PRELID2: variants seen among roughly 807,000 people sequenced by gnomAD.
PRELID2 encodes the protein PRELI domain containing 2.
A neutral mutation model predicts 28.4 loss-of-function variants in PRELID2; 25 were observed. The ratio of observed to expected loss-of-function variants is 0.88; its 90% CI spans 0.64 to 1.23. The LOEUF (loss-of-function observed/expected upper bound fraction) is 1.23. PRELID2 is among the 50% of genes most tolerant of loss of function. The pLI is 0.00. For synonymous variants in PRELID2, 76 were observed against 71.6 expected, an observed-to-expected ratio of 1.06 and a Z score of -0.31; for missense variants, 201 against 214.4, an observed-to-expected ratio of 0.94 and a Z score of 0.39.
the PRELID2 span, among the ~76,000 whole-genome samples, chr5:145,390,926 A>G: frequency 1.8e-4 from 28 of 152,316 alleles, no homozygotes; most frequent in African/African-American, 6.7e-4. Flanking sequence ...CCAAAATCCA[A>G]TAGGGCAGCC....
At chr5:145,642,008 A>G (rs933091832) in intron 1 of PRELID2, among the ~76,000 whole-genome samples, 5 of 152,212 alleles carry the variant, frequency 3.3e-5, no homozygotes, top group African/African-American at 1.2e-4. Context: ...AGAATGATTT[A>G]AAATCCTTTG....
the PRELID2 span, among the ~76,000 whole-genome samples, chr5:145,384,031 T>C: frequency 6.6e-6 from 1 of 152,120 alleles, no homozygotes; most frequent in East Asian, 1.9e-4. Context: ...AAAGAAGGTA[T>C]ACTAACGGCC....
chr5:145,755,636 G>A (rs1042537153), downstream of PRELID2, among the ~76,000 whole-genome samples: 1 of 152,186 alleles, frequency 6.6e-6, no homozygotes, highest in African/African-American at 2.4e-5. Context: ...GAATTTGATA[G>A]AGCTTATTCT....
At chr5:145,577,993 G>A (rs1753075948) in intron 1 of PRELID2, among the ~76,000 whole-genome samples, 1 of 152,128 alleles carries the variant, frequency 6.6e-6, no homozygotes, top group East Asian at 1.9e-4. Context: ...TCTTCTCAGT[G>A]TAGGGATCCT....
the PRELID2 span, among the ~76,000 whole-genome samples, chr5:145,313,810 A>T: frequency 6.6e-6 from 1 of 152,204 alleles, no homozygotes; most frequent in Non-Finnish European, 1.5e-5. Flanking sequence ...AGAAAAGTCA[A>T]ATAATTTGTC....
chr5:145,631,729 A>G (rs989499388), intron 1 of PRELID2, among the ~76,000 whole-genome samples: 9 of 152,218 alleles, frequency 5.9e-5, no homozygotes, highest in African/African-American at 2.2e-4. Flanking sequence ...GTAACTCTAT[A>G]TTGTCACCAA....
the PRELID2 span, among the ~76,000 whole-genome samples, chr5:145,413,611 T>TACACACACACACAC: frequency 1.1e-4 from 15 of 140,060 alleles, 1 homozygote; most frequent in African/African-American, 3.7e-4. Context: ...ATGAAGAAAA[T>TACACACACACACAC]ACACACACAC....
At chr5:145,742,193 T>TA (rs1209076156) in intron 1 of PRELID2, among the ~76,000 whole-genome samples, 2 of 40,008 alleles carry the variant, frequency 5.0e-5, no homozygotes, top group African/African-American at 6.7e-5. Context: ...TATATATAAA[T>TA]AATAATATAT....
chr5:145,494,955 G>T (rs1275891554), intron 1 of PRELID2, among the ~76,000 whole-genome samples: 3 of 152,148 alleles, frequency 2.0e-5, no homozygotes, highest in Admixed American at 2.0e-4. Flanking sequence ...TGTTAAGTGT[G>T]CCAATGACAA....
chr5:145,729,899 CTATT>C (rs1756288640), intron 1 of PRELID2, among the ~76,000 whole-genome samples: 2 of 152,152 alleles, frequency 1.3e-5, no homozygotes, highest in African/African-American at 2.4e-5. Flanking sequence ...CAAGCCCAGA[CTATT>C]TATTGGTGAT....
chr5:145,315,985 T>C, the PRELID2 span, among the ~76,000 whole-genome samples: 1 of 152,228 alleles, frequency 6.6e-6, no homozygotes, highest in Non-Finnish European at 1.5e-5. Context: ...TCTATACTCT[T>C]GAGGTTATTT....
chr5:145,830,899 C>A (rs958869947), intron 1 of PRELID2, among the ~76,000 whole-genome samples: 14 of 152,228 alleles, frequency 9.2e-5, no homozygotes, highest in Non-Finnish European at 1.9e-4. Flanking sequence ...AAGGCAACTC[C>A]TAACAAACCA....
At chr5:145,293,401 T>G in the PRELID2 span, among the ~76,000 whole-genome samples, 1 of 152,192 alleles carries the variant, frequency 6.6e-6, no homozygotes, top group Admixed American at 6.5e-5. Flanking sequence ...TTGGCATAAA[T>G]GTATGTTTTA....
At chr5:145,740,941 C>T (rs377333162) in intron 1 of PRELID2, among the ~76,000 whole-genome samples, 62,140 of 78,950 alleles carry the variant, frequency 0.79, 24,658 homozygotes, top group East Asian at 0.96. Context: ...TATATATGTA[C>T]ATATATTTAT....
At chr5:145,447,946 C>G in the PRELID2 span, among the ~76,000 whole-genome samples, 5 of 151,948 alleles carry the variant, frequency 3.3e-5, no homozygotes, top group Admixed American at 3.3e-4. Context: ...GTGCATGTGT[C>G]TTTATAGCAG....
In PRELID2 at chr5:145,531,641, A is replaced by G. The variant is rs1291285231; in HGVS notation, n.71-58326T>C. On this transcript the variant is annotated intron_variant and non_coding_transcript_variant, in intron 1 of 2. Transcript: ENST00000510259. ...AATGTGCAGCCTCTGCAGACTGTGC[A>G]TCGGCAAGGCCATTTCCCCAGGCTC... is the stretch of plus-strand genomic sequence containing the variant. 1.4e-4 allele frequency among the ~76,000 whole-genome samples: 21 copies of G among 152,306 alleles called. 1 individual carries two copies. The Middle Eastern group carries it at 0.01, about 74-fold the overall frequency.
intron 5 of PRELID2, among the ~76,000 whole-genome samples, chr5:145,778,652 T>C (rs1581184350): frequency 6.6e-6 from 1 of 152,324 alleles, no homozygotes; most frequent in East Asian, 1.9e-4. Context: ...GAGCTGCCTG[T>C]CCCACGGCAG....
chr5:145,731,426 G>T (rs755636470), intron 1 of PRELID2, among the ~76,000 whole-genome samples: 3 of 152,230 alleles, frequency 2.0e-5, no homozygotes, highest in Non-Finnish European at 2.9e-5. Context: ...AAAGTGGTCT[G>T]AACACTGTGG....
At chr5:145,508,045 T>C (rs887783819) in intron 1 of PRELID2, among the ~76,000 whole-genome samples, 3 of 152,336 alleles carry the variant, frequency 2.0e-5, no homozygotes, top group Middle Eastern at 3.4e-3. Flanking sequence ...TGTCCTCCCA[T>C]GTTCATAAAG....
Sources: gnomAD v4.1 joint callset for allele counts (sites outside exome capture counted in the v4.1 genomes callset) on GRCh38, gnomAD v4.1.1 for gene constraint, MANE v1.5 for transcripts, NCBI Gene and HGNC (gene_info 2026-07-23, HGNC 2026-07-21) for gene names.